ADGRD2: variants seen among roughly 807,000 people sequenced by gnomAD.
ADGRD2 encodes adhesion G protein-coupled receptor D2, also known as G protein-coupled receptor PGR24.
Under a neutral mutation model 44.4 loss-of-function variants are expected in ADGRD2, and 71 were observed. The ratio of observed to expected loss-of-function variants is 1.60; its 90% confidence interval spans 1.32 to 1.95. The LOEUF (loss-of-function observed/expected upper bound fraction) is 1.95, where lower values mean the gene tolerates loss of function less well. ADGRD2 is among the 30% of genes most tolerant of loss of function. The pLI is 0.00. For missense variants in ADGRD2, 1,039 were observed against 512.4 expected, an observed-to-expected ratio of 2.03 and a Z score of -9.92; for synonymous variants, 481 against 224.8, an observed-to-expected ratio of 2.14 and a Z score of -10.19.
At chr9:124,475,222 G>A (rs1469942509) in intron 17 of ADGRD2, among the ~76,000 whole-genome samples, 1 of 152,262 alleles carries the variant, frequency 6.6e-6, no homozygotes, top group Admixed American at 6.5e-5. Context: ...GGCTGGGGTT[G>A]CACTGGGCAA....
intron 17 of ADGRD2, among the ~76,000 whole-genome samples, chr9:124,472,456 G>T (rs1303558850): frequency 1.8e-4 from 4 of 21,632 alleles, no homozygotes; most frequent in Admixed American, 1.1e-3. Flanking sequence ...TTGTTTGTTT[G>T]TTTTTTGTTT....
chr9:124,469,258 T>C (rs1353782825), exon 15 of ADGRD2: 1 of 716,976 alleles, frequency 1.4e-6, no homozygotes, highest in African/African-American at 1.7e-5. Context: ...ACCCTGGCCA[T>C]GCTCCCCCAT....
intron 19 of ADGRD2, 43 bp downstream of exon 22, chr9:124,475,658 C>G: frequency 1.6e-6 from 1 of 610,924 alleles, no homozygotes; most frequent in South Asian, 1.9e-5. Flanking sequence ...GGGAGGCCCC[C>G]AGAGCCAGGT....
chr9:124,475,145 A>T (rs1048527021), intron 17 of ADGRD2, among the ~76,000 whole-genome samples: 1 of 152,230 alleles, frequency 6.6e-6, no homozygotes, highest in Admixed American at 6.5e-5. Flanking sequence ...GGCGGTGAGG[A>T]TGGGACAGGC....
chr9:124,478,033 C>G (rs776908029), intron 21 of ADGRD2, among the ~76,000 whole-genome samples: 2 of 152,142 alleles, frequency 1.3e-5, no homozygotes, highest in Non-Finnish European at 2.9e-5. Flanking sequence ...GGCCACTCAG[C>G]GGCCCGAGCT....
At position 124,453,541 on chromosome 9, in the gene ADGRD2, C is replaced by T. The variant is rs553341305; in HGVS notation, c.790C>T (p.Leu264=). The T allele has an allele frequency of 4.8e-4, 332 of 697,460 alleles. 2 individuals are homozygous for T. The African/African-American group carries it at 5.2e-3, about 11-fold the overall frequency. 43.2% of individuals were successfully genotyped at this position (697,460 alleles called of 1,614,324 possible). ...CGACTTCCACCTGTGGGCGCGGGCG[C>T]TGAGCCCCGCTCAGCTGCACCGGGC... The change falls in exon 3 of 22, where the codon CTG becomes TTG. Residue 264 remains leucine, a synonymous_variant. Coordinates refer to ENST00000334810, the Ensembl canonical transcript of ADGRD2.
At chr9:124,468,565 T>C (rs1831877984) in exon 14 of ADGRD2, 1 of 718,486 alleles carries the variant, frequency 1.4e-6, no homozygotes, top group Admixed American at 2.0e-5. Context: ...CTCTTTCTGG[T>C]GGCATTCTCC....
At chr9:124,477,659 T>A (rs1376352023) in intron 21 of ADGRD2, among the ~76,000 whole-genome samples, 1 of 152,012 alleles carries the variant, frequency 6.6e-6, no homozygotes, top group Non-Finnish European at 1.5e-5. Context: ...TGAACCCGGG[T>A]TGTGGGATCC....
At chr9:124,452,793 C>T (rs944965647) in intron 2 of ADGRD2, 71 bp downstream of exon 5, 2 of 667,066 alleles carry the variant, frequency 3.0e-6, no homozygotes, top group African/African-American at 1.8e-5. Flanking sequence ...TAGGAGCCCA[C>T]AGTGACAATA....
intron 19 of ADGRD2, among the ~76,000 whole-genome samples, chr9:124,475,928 C>T (rs935489943): frequency 3.3e-5 from 5 of 152,198 alleles, no homozygotes; most frequent in African/African-American, 1.2e-4. Flanking sequence ...GAAACCAGGG[C>T]CCAGGAAACT....
intron 17 of ADGRD2, among the ~76,000 whole-genome samples, chr9:124,472,782 A>G (rs912017108): frequency 2.6e-5 from 4 of 152,192 alleles, no homozygotes; most frequent in Non-Finnish European, 5.9e-5. Flanking sequence ...TGCTGGGATT[A>G]CAGGCATGAG....
chr9:124,471,463 G>A (rs1021980248), intron 17 of ADGRD2, among the ~76,000 whole-genome samples: 1 of 152,192 alleles, frequency 6.6e-6, no homozygotes, highest in African/African-American at 2.4e-5. Context: ...TGAAGAAGGA[G>A]AGCCAAGGTG....
intron 12 of ADGRD2, 129 bp downstream of exon 15, chr9:124,467,953 T>A: frequency 2.9e-6 from 2 of 700,388 alleles, no homozygotes; most frequent in South Asian, 1.6e-5. Flanking sequence ...CTCCTTAGGA[T>A]GTGCTGGGTC....
intron 10 of ADGRD2, among the ~76,000 whole-genome samples, chr9:124,461,123 T>C (rs1831716844): frequency 6.6e-6 from 1 of 152,258 alleles, no homozygotes; most frequent in Non-Finnish European, 1.5e-5. Context: ...CATCTTCAAA[T>C]CTTTTCCCCA....
At position 124,454,471 on chromosome 9, in the gene ADGRD2, C is replaced by A; in HGVS notation, c.1023-13C>A. 1 of 706,448 alleles carries A rather than the reference C, an allele frequency of 1.4e-6. No homozygotes were observed. The highest frequency in any genetic ancestry group is 2.7e-6 in the Non-Finnish European group (1 of 375,452). The allele number at this position is 706,448 out of a possible 1,614,324, so 43.8% of individuals were successfully genotyped here. On this transcript the variant is annotated splice_polypyrimidine_tract_variant and intron_variant, in intron 4 of 21. Transcript: ENST00000334810. This position sits in a 1 kb window ranked among gnomAD's most constrained non-coding sequence, Gnocchi z 4.5. ...ATTGCCCGGGGCCTAGCCTGGCATC[C>A]ACTCCTTTGCAGAGCCCTATCGTCG...
chr9:124,469,046 G>A (rs78901166), intron 14 of ADGRD2, among the ~76,000 whole-genome samples, 176 bp from the exon 18 acceptor site: 3,579 of 152,226 alleles, frequency 0.024, 156 homozygotes, highest in African/African-American at 0.082. Context: ...CCAAACTACT[G>A]TGGCTCCAAT....
Position 124,475,502 on chromosome 9 carries a change from G to C in ADGRD2, c.2800+15G>C. On this transcript the variant is annotated intron_variant, in intron 18 of 21. Coordinates refer to ENST00000334810, the Ensembl canonical transcript of ADGRD2. The stretch of plus-strand genomic sequence containing the variant: ...GCAATGAGGAGGTGAGTCTGGGGGT[G>C]CCGGCTGCAGGGAGAGGGGTCCAAG... 1.4e-6 allele frequency: 1 copy of C among 714,684 alleles called. No homozygotes were observed. Among genetic ancestry groups the C allele is most frequent in the East Asian group, 2.7e-5 (1 of 37,134 alleles). The allele number at this position is 714,684 out of a possible 1,614,324, so 44.3% of individuals were successfully genotyped here.
Position 124,454,876 on chromosome 9 carries a change from G to C in ADGRD2, c.1144G>C (p.Ala382Pro). 1.4e-6 allele frequency: 1 copy of C among 710,604 alleles called. No homozygotes were observed. Among genetic ancestry groups the C allele is most frequent in the Non-Finnish European group, 2.6e-6 (1 of 384,760 alleles). 44.0% of individuals were successfully genotyped at this position (710,604 alleles called of 1,614,324 possible). A position where few individuals can be genotyped will look rare whatever the true frequency, so the allele number is the denominator to read the frequency against. Residue 382 changes from alanine to proline, a missense_variant, in exon 6 of 22, where the codon GCC (alanine) becomes CCC (proline). By Grantham distance (27) the Ala-to-Pro change is conservative. Transcript: ENST00000334810. This position sits in a 1 kb window ranked among gnomAD's most constrained non-coding sequence, Gnocchi z 4.5. ...GGACCCCCTCTCCGAAGTCCATGGG[G>C]CCCTGTCCCCAGCGGAGGCCTCCAG...
Position 124,457,521 on chromosome 9 carries a change from C to A in ADGRD2, c.1557C>A (p.Cys519Ter). 1 of 686,742 alleles carries A rather than the reference C, an allele frequency of 1.5e-6. No individual in the cohort carries two copies. The highest frequency in any genetic ancestry group is 2.7e-6 in the Non-Finnish European group (1 of 376,046). 42.5% of individuals were successfully genotyped at this position (686,742 alleles called of 1,614,324 possible). A position where few individuals can be genotyped will look rare whatever the true frequency, so the allele number is the denominator to read the frequency against. Residue 519 changes from cysteine to a stop codon, truncating the protein, a stop_gained, in exon 8 of 22, where the codon TGC (cysteine) becomes TGA (stop). Coordinates refer to ENST00000334810, the Ensembl canonical transcript of ADGRD2. LOFTEE classifies it high-confidence loss of function. ...TGAGGGAGGCCAGCACGAGGGGCTG[C>A]TTATTCACAATGCCTGGTGGGCGTC...
Sources: allele counts gnomAD v4.1 joint callset (sites outside exome capture counted in the v4.1 genomes callset), GRCh38; gene constraint gnomAD v4.1.1; non-coding constraint Gnocchi (gnomAD v3.1); transcripts MANE v1.5; gene names NCBI Gene and HGNC (gene_info 2026-07-23, HGNC 2026-07-21).